Variants in SETD9 observed in about 807,000 individuals in gnomAD.
SETD9 encodes SET domain-containing protein 9.
A neutral mutation model predicts 36.4 loss-of-function variants in SETD9; 37 were observed. That is an observed-to-expected ratio of 1.02 (90% CI 0.78 to 1.34). The LOEUF (loss-of-function observed/expected upper bound fraction) is 1.34, where lower values mean the gene tolerates loss of function less well. SETD9 is among the 40% of genes most tolerant of loss of function. The pLI, the probability that SETD9 is intolerant of heterozygous loss-of-function variation, is 0.00. For synonymous variants in SETD9, 128 were observed against 132.9 expected, an observed-to-expected ratio of 0.96 and a Z score of 0.26; for missense variants, 323 against 353.2, an observed-to-expected ratio of 0.91 and a Z score of 0.69.
intron 5 of SETD9, chr5:56,923,875 GT>G: frequency 6.2e-7 from 1 of 1,613,992 alleles, no homozygotes; most frequent in Non-Finnish European, 8.5e-7. Flanking sequence ...ATATATTACA[GT>G]TAAAAGTAAG....
downstream of SETD9, chr5:56,920,587 C>A (rs1749624440): frequency 6.6e-6 from 1 of 151,560 alleles, no homozygotes; most frequent in Admixed American, 6.6e-5. Context: ...TTTTAATAAA[C>A]AGTAACAAAT....
At position 56,909,597 on chromosome 5, in the gene SETD9, T is replaced by A. The variant is rs951269210; in HGVS notation, c.-49T>A. 2.7e-6 allele frequency: 4 copies of A among 1,502,356 alleles called. No individual in the cohort carries two copies. The highest frequency in any genetic ancestry group is 3.6e-6 in the Non-Finnish European group (4 of 1,112,572). The allele number at this position is 1,502,356 out of a possible 1,614,324, so 93.1% of individuals were successfully genotyped here. Reference sequence around the variant, plus strand: ...CCCGGGCCGGGGCGGGCCCGAGGCCTCGATCCGCCTTCCCCGCGCCGTCCT... The same window carrying A: ...CCCGGGCCGGGGCGGGCCCGAGGCCACGATCCGCCTTCCCCGCGCCGTCCT... On this transcript the variant is annotated 5_prime_UTR_variant, in exon 1 of 6. Transcript: ENST00000285947.
chr5:56,928,808 T>G, downstream of SETD9: 1 of 1,613,798 alleles, frequency 6.2e-7, no homozygotes, highest in Non-Finnish European at 8.5e-7. Flanking sequence ...CCAAAAAGCA[T>G]GAGTGCATGT....
At chr5:56,913,808 G>T in intron 3 of SETD9, 66 bp from the exon 4 acceptor site, 1 of 970,638 alleles carries the variant, frequency 1.0e-6, no homozygotes, top group Non-Finnish European at 1.6e-6. Flanking sequence ...GTAATTCTAG[G>T]GTTTTGTATT....
Position 56,916,123 on chromosome 5 carries a change from G to T in SETD9, c.813-692G>T, listed in dbSNP as rs188399168. On this transcript the variant is annotated intron_variant, in intron 5 of 5. Transcript: ENST00000285947. ...TGTAACAATATCTAGGCTGGGTGCG[G>T]TGGCTCATGCCTGTAATCCCAGCAC... Among the ~76,000 whole-genome samples, 46 of 152,286 alleles carry T rather than the reference G, an allele frequency of 3.0e-4. 1 individual carries two copies. Among genetic ancestry groups the T allele is most frequent in the Non-Finnish European group, 6.0e-4 (41 of 68,014 alleles).
chr5:56,922,851 A>C lies in SETD9; in HGVS notation c.813-2482A>C, dbSNP rs982213804. On this transcript the variant is annotated intron_variant, in intron 5 of 5. Coordinates refer to the SETD9 transcript ENST00000628593. ...GAATAGAAAAAGAAGGGAGTGGGGA[A>C]GAGGTATTGGGAGATGAGGAAGAGA... is the stretch of plus-strand genomic sequence containing the variant. 2.9e-5 allele frequency: 11 copies of C among 376,644 alleles called. No individual in the cohort carries two copies. The East Asian group carries it at 4.0e-4, about 14-fold the overall frequency. 23.3% of individuals were successfully genotyped at this position (376,644 alleles called of 1,614,324 possible).
chr5:56,913,809 G>T (rs897748885), intron 3 of SETD9, 65 bp from the exon 4 acceptor site: 153 of 988,644 alleles, frequency 1.5e-4, no homozygotes, highest in Middle Eastern at 2.2e-4. Context: ...TAATTCTAGG[G>T]TTTTGTATTT....
downstream of SETD9, chr5:56,921,135 T>C (rs1440461839): frequency 2.0e-5 from 3 of 152,576 alleles, no homozygotes; most frequent in Non-Finnish European, 4.4e-5. Context: ...GGCATGTTCA[T>C]TTAAGTGCAA....
chr5:56,926,418 A>G (rs374543625), downstream of SETD9, among the ~76,000 whole-genome samples: 4 of 152,094 alleles, frequency 2.6e-5, no homozygotes, highest in South Asian at 2.1e-4. Flanking sequence ...ACCCAATTAA[A>G]ATCTGGGCAA....
downstream of SETD9, chr5:56,928,535 A>G (rs1186739374): frequency 3.1e-5 from 10 of 322,296 alleles, no homozygotes; most frequent in East Asian, 5.2e-4. Flanking sequence ...AAATACAGTG[A>G]GTCCACTTTC....
Position 56,916,784 on chromosome 5 carries a change from C to T in SETD9, c.813-31C>T. ...AAATATGAGCTTATATTTGTTAATG[C>T]TCTACCTTTTGTATATCTTTTTGTT... On this transcript the variant is annotated intron_variant, in intron 5 of 5. Transcript: ENST00000285947. The T allele has an allele frequency of 2.5e-6, 4 of 1,592,622 alleles. No individual in the cohort carries two copies. In the Middle Eastern group the frequency reaches 6.6e-4, roughly 265 times the overall value.
At chr5:56,910,030 T>C in intron 1 of SETD9, 1 of 1,343,090 alleles carries the variant, frequency 7.4e-7, no homozygotes, top group Non-Finnish European at 9.6e-7. Context: ...CTATGGCCTC[T>C]TTCCCAGTGT....
At chr5:56,923,519 G>A (rs930797584) in intron 5 of SETD9, 3 of 1,614,186 alleles carry the variant, frequency 1.9e-6, no homozygotes. Context: ...GCCCAGTGGA[G>A]GAAAGCTATC....
At chr5:56,925,422 A>C (rs998915428) in exon 6 of SETD9, 1 of 433,108 alleles carries the variant, frequency 2.3e-6, no homozygotes, top group Non-Finnish European at 4.6e-6. Flanking sequence ...TTCAGGAGAC[A>C]AGGTTAATAC....
Position 56,909,750 on chromosome 5 carries a change from G to C in SETD9, c.98+7G>C. 6.2e-7 allele frequency: 1 copy of C among 1,608,454 alleles called. No homozygotes were observed. The highest frequency in any genetic ancestry group is 8.5e-7 in the Non-Finnish European group (1 of 1,177,464). ...ACCTAAGCCACAACCCGAGGTGAGA[G>C]GGCGGGACGGCAGAACGAGGGGCAC... On this transcript the variant is annotated splice_region_variant and intron_variant, in intron 1 of 5. Transcript: ENST00000285947.
chr5:56,917,084 T>G lies in SETD9; in HGVS notation c.*182T>G, dbSNP rs927544312. On this transcript the variant is annotated 3_prime_UTR_variant, in exon 6 of 6. Coordinates refer to ENST00000285947, the MANE Select transcript of SETD9 (RefSeq NM_153706.4). ...CAATTTCATGATAAAAGCTACTTGCTTCATTACAATTTCAAATTTGTAATG... is the reference window on the plus strand; with the variant it reads ...CAATTTCATGATAAAAGCTACTTGCGTCATTACAATTTCAAATTTGTAATG... The G allele has an allele frequency of 7.8e-7, 1 of 1,279,164 alleles. No individual in the cohort carries two copies. The highest frequency in any genetic ancestry group is 1.6e-5 in the African/African-American group (1 of 64,036). 79.2% of individuals were successfully genotyped at this position (1,279,164 alleles called of 1,614,324 possible).
At chr5:56,917,476 G>C, downstream of SETD9, 2 of 305,192 alleles carry the variant, frequency 6.6e-6, no homozygotes, top group Non-Finnish European at 9.6e-6. Context: ...AAAAGTGCAA[G>C]ATAGTGTTGG....
Position 56,912,324 on chromosome 5 carries a change from C to G in SETD9, c.467-687C>G, listed in dbSNP as rs538673744. 2.2e-4 allele frequency: 161 copies of G among 732,138 alleles called. 3 individuals are homozygous for G. The South Asian group carries it at 9.3e-3, about 42-fold the overall frequency. The allele number at this position is 732,138 out of a possible 1,614,324, so 45.4% of individuals were successfully genotyped here. A position where few individuals can be genotyped will look rare whatever the true frequency, so the allele number is the denominator to read the frequency against. Reference sequence around the variant, plus strand: ...TAAATAGACTACGTTATGTGTTAAACTAACATTATATTATTTGGTATAGTG... The same window carrying G: ...TAAATAGACTACGTTATGTGTTAAAGTAACATTATATTATTTGGTATAGTG... On this transcript the variant is annotated intron_variant, in intron 2 of 5. Transcript: ENST00000285947.
chr5:56,914,011 G>T, intron 4 of SETD9, 22 bp downstream of exon 4: 1 of 1,533,000 alleles, frequency 6.5e-7, no homozygotes, highest in Non-Finnish European at 9.0e-7. Flanking sequence ...TCATGGGGCT[G>T]TGAGATGAGA....
Sources: gnomAD v4.1 joint callset for allele counts (sites outside exome capture counted in the v4.1 genomes callset) on GRCh38, gnomAD v4.1.1 for gene constraint, MANE v1.5 for transcripts, NCBI Gene and HGNC (gene_info 2026-07-23, HGNC 2026-07-21) for gene names.